The following PLEKHA1 variants were observed in gnomAD, a reference collection of about 807,000 sequenced individuals.
The protein encoded by PLEKHA1 is pleckstrin homology domain-containing family A member 1.
In PLEKHA1, 34 loss-of-function variants were observed where a neutral mutation model predicts 52.0. That is an observed-to-expected ratio of 0.65 (90% CI 0.50 to 0.87). PLEKHA1 has a LOEUF of 0.87. PLEKHA1 is among the 40% of genes least tolerant of loss of function. The probability of loss-of-function intolerance (pLI) is 0.00; values close to 1 mark genes in which losing one functional copy is unlikely to be tolerated. For missense variants in PLEKHA1, 497 were observed against 504.2 expected (o/e 0.99, Z 0.14); for synonymous variants, 163 against 170.7 (o/e 0.95, Z 0.35).
chr10:122,412,631 A>T (rs1308485368), intron 5 of PLEKHA1: 3 of 310,672 alleles, frequency 9.7e-6, no homozygotes, highest in Non-Finnish European at 1.8e-5. Context: ...CTTACCTCTT[A>T]GGTGGGGGTA....
rs747361166 is a variant in PLEKHA1 at position 122,424,242 on chromosome 10, A to C, written c.725A>C (p.Lys242Thr). Residue 242 changes from lysine to threonine, a missense_variant, in exon 9 of 12, where the codon AAA (lysine) becomes ACA (threonine). Lys to Thr is a moderately conservative substitution (Grantham distance 78, BLOSUM62 -1). Coordinates refer to ENST00000368990, the MANE Select transcript of PLEKHA1 (RefSeq NM_001001974.4). Reference protein sequence around the residue: ...LRVIPLKEVHKVQECKQSDIM... With the variant: ...LRVIPLKEVHTVQECKQSDIM... ...GTAATACCACTTAAAGAGGTTCATA[A>C]AGTCCAGGAATGTAAGCAAAGGTAA... The C allele has an allele frequency of 8.8e-6, 14 of 1,596,118 alleles. No individual in the cohort carries two copies. The highest frequency in any genetic ancestry group is 1.1e-5 in the Non-Finnish European group (13 of 1,176,196).
At chr10:122,428,448 G>A (rs1845564235) in intron 11 of PLEKHA1, 2 of 1,405,074 alleles carry the variant, frequency 1.4e-6, no homozygotes, top group Non-Finnish European at 9.3e-7. Context: ...GCCTTTTGCA[G>A]TTATCATAAC....
rs764610376 is a variant in PLEKHA1 at position 122,424,896 on chromosome 10, C to T, written c.747C>T (p.Ser249=). 36 of 1,605,478 alleles carry T rather than the reference C, an allele frequency of 2.2e-5. No homozygotes were observed. The highest frequency in any genetic ancestry group is 4.5e-5 in the South Asian group (4 of 89,320). The change falls in exon 10 of 12, where the codon AGC becomes AGT. Residue 249 remains serine, a splice_region_variant and synonymous_variant. Transcript: ENST00000368990. The part of the protein sequence containing the change: ...EVHKVQECKQ[S]DIMMRDNLFE... ...ATAATTGGATTTTTTTTTCATACAGCGACATAATGATGAGGGACAACCTCT... is the reference window on the plus strand; with the variant it reads ...ATAATTGGATTTTTTTTTCATACAGTGACATAATGATGAGGGACAACCTCT...
intron 1 of PLEKHA1, among the ~76,000 whole-genome samples, chr10:122,392,634 T>C (rs947109556): frequency 2.0e-5 from 3 of 152,150 alleles, no homozygotes; most frequent in Non-Finnish European, 4.4e-5. Context: ...CCTACTAGTT[T>C]TGGAATTTTG....
intron 1 of PLEKHA1, among the ~76,000 whole-genome samples, chr10:122,386,228 T>A (rs1300942201): frequency 6.6e-6 from 1 of 152,178 alleles, no homozygotes; most frequent in Non-Finnish European, 1.5e-5. Flanking sequence ...GCATTCACTT[T>A]CCTGACTAAT....
intron 7 of PLEKHA1, among the ~76,000 whole-genome samples, chr10:122,416,569 A>C (rs915379476): frequency 2.6e-5 from 4 of 152,184 alleles, no homozygotes; most frequent in African/African-American, 9.7e-5. Context: ...TTCCCTTTGC[A>C]CAGCACCTGG....
chr10:122,406,769 G>C, intron 5 of PLEKHA1, 96 bp downstream of exon 5: 1 of 885,916 alleles, frequency 1.1e-6, no homozygotes. Flanking sequence ...CTTACCAACA[G>C]GTTTCATACT....
chr10:122,415,964 G>T lies in PLEKHA1; in HGVS notation c.574G>T (p.Val192Phe). 6.2e-7 allele frequency: 1 copy of T among 1,613,352 alleles called. No individual in the cohort carries two copies. The highest frequency in any genetic ancestry group is 8.5e-7 in the Non-Finnish European group (1 of 1,179,610). The part of the protein sequence containing the change: ...FTPKPPQDSA[V>F]IKAGYCVKQG... The stretch of plus-strand genomic sequence containing the variant: ...TCCTAAACCACCTCAAGATAGTGCG[G>T]TTATCAAAGCTGGATATTGTGTAAA... The change falls in exon 7 of 12, where the codon GTT becomes TTT. Residue 192 changes from valine (V) to phenylalanine (F), a missense_variant. By Grantham distance (50) the Val-to-Phe change is conservative. Transcript: ENST00000368990.
chr10:122,405,157 G>A (rs1016106179), intron 4 of PLEKHA1, among the ~76,000 whole-genome samples: 4 of 151,844 alleles, frequency 2.6e-5, no homozygotes, highest in Non-Finnish European at 4.4e-5. Context: ...TCCCTAAAGG[G>A]GAATATAGAA....
chr10:122,427,962 A>G (rs117688760), intron 11 of PLEKHA1, among the ~76,000 whole-genome samples: 3 of 152,332 alleles, frequency 2.0e-5, no homozygotes, highest in East Asian at 1.9e-4. Flanking sequence ...ATAGAAATCA[A>G]TGTTTCTGAT....
At chr10:122,440,633 G>A in the PLEKHA1 span, 1 of 152,170 alleles carries the variant, frequency 6.6e-6, no homozygotes, top group Non-Finnish European at 1.5e-5. Context: ...ACAGTTCATT[G>A]GAACAGAATT....
Position 122,393,386 on chromosome 10 carries a change from G to A in PLEKHA1, c.141+45G>A. The A allele has an allele frequency of 6.5e-7, 1 of 1,535,092 alleles. No homozygotes were observed. The highest frequency in any genetic ancestry group is 2.0e-5 in the Admixed American group (1 of 49,348). ...TTATCTTTTAAAAGCACAGAAAGTT[G>A]TATTTAAGTATTTAACATACTATAC... On this transcript the variant is annotated intron_variant, in intron 2 of 11. Transcript: ENST00000368990. This position sits in a 1 kb window ranked among gnomAD's most constrained non-coding sequence, Gnocchi z 4.5.
In PLEKHA1 at chr10:122,397,932, A is replaced by G. The variant is rs935150593; in HGVS notation, c.156A>G (p.Gly52=). The G allele has an allele frequency of 6.8e-6, 11 of 1,607,330 alleles. No individual in the cohort carries two copies. The highest frequency in any genetic ancestry group is 9.4e-6 in the Non-Finnish European group (11 of 1,174,800). The part of the protein sequence containing the change: ...YMDNPQNLPS[G]SSRVGAIKLT... ...TTTGTTTCTAGAACCTACCTTCTGG[A>G]TCATCACGTGTTGGAGCCATTAAGC... is the stretch of plus-strand genomic sequence containing the variant. The change falls in exon 3 of 12, where the codon GGA becomes GGG. Residue 52 remains glycine (G), a synonymous_variant. Coordinates refer to ENST00000368990, the MANE Select transcript of PLEKHA1 (RefSeq NM_001001974.4).
At chr10:122,436,940 G>A (rs2097440104), downstream of PLEKHA1, 1 of 150,744 alleles carries the variant, frequency 6.6e-6, no homozygotes, top group South Asian at 2.1e-4. Flanking sequence ...TCTTTAGTGG[G>A]GAGGAAAGGA....
chr10:122,404,281 GA>G (rs1406947838), intron 4 of PLEKHA1, among the ~76,000 whole-genome samples: 4 of 151,986 alleles, frequency 2.6e-5, no homozygotes, highest in Non-Finnish European at 5.9e-5. Flanking sequence ...GTCTTGCCAT[GA>G]AGTAATTCTT....
At position 122,428,164 on chromosome 10, in the gene PLEKHA1, T is replaced by C. The variant is rs1439676277; in HGVS notation, c.900+1133T>C. The C allele has an allele frequency of 4.9e-6, 5 of 1,023,346 alleles. No homozygotes were observed. The African/African-American group carries it at 6.6e-5, about 14-fold the overall frequency. The allele number at this position is 1,023,346 out of a possible 1,614,324, so 63.4% of individuals were successfully genotyped here. A position where few individuals can be genotyped will look rare whatever the true frequency, so the allele number is the denominator to read the frequency against. On this transcript the variant is annotated intron_variant, in intron 11 of 11. Transcript: ENST00000368990. ...AGAAGGATGTTTGTGTTTTGTGCTT[T>C]GTGGTGGGGGCAGATTGGACTATCT...
intron 1 of PLEKHA1, among the ~76,000 whole-genome samples, chr10:122,375,189 C>T (rs1187440682): frequency 6.6e-6 from 1 of 152,028 alleles, no homozygotes; most frequent in African/African-American, 2.4e-5. Flanking sequence ...TCGGCGTCTC[C>T]GCCCCCCGAG....
downstream of PLEKHA1, chr10:122,437,096 C>G (rs2097441151): frequency 2.7e-5 from 4 of 147,382 alleles, no homozygotes; most frequent in South Asian, 8.7e-4. Flanking sequence ...CAAATAGGGC[C>G]TTTGGTCCCA....
intron 1 of PLEKHA1, chr10:122,392,160 AC>A (rs2096785051): frequency 6.6e-6 from 1 of 152,198 alleles, no homozygotes; most frequent in Non-Finnish European, 1.5e-5. Context: ...TTTAATCAGT[AC>A]AATAAAAGTT....
Sources: allele counts gnomAD v4.1 joint callset (sites outside exome capture counted in the v4.1 genomes callset), GRCh38; gene constraint gnomAD v4.1.1; non-coding constraint Gnocchi (gnomAD v3.1); transcripts MANE v1.5; gene names NCBI Gene and HGNC (gene_info 2026-07-23, HGNC 2026-07-21).